Variants in TOP3B observed in about 807,000 individuals in gnomAD.
The protein encoded by TOP3B is DNA topoisomerase III beta, also known as DNA topoisomerase 3-beta-1.
TOP3B carries 45 observed loss-of-function variants against 93.9 expected under a neutral mutation model. The ratio of observed to expected loss-of-function variants is 0.48; its 90% CI spans 0.38 to 0.61. The LOEUF (loss-of-function observed/expected upper bound fraction) is 0.61. TOP3B is among the 20% of genes least tolerant of loss of function. The pLI is 0.00. For missense variants in TOP3B, 750 were observed against 1,156.1 expected (o/e 0.65, Z 5.09); for synonymous variants, 357 against 472.6 (o/e 0.76, Z 3.17).
Position 21,962,864 on chromosome 22 carries a change from T to C in TOP3B, c.1234A>G (p.Ile412Val). 6.2e-7 allele frequency: 1 copy of C among 1,613,902 alleles called. No individual in the cohort carries two copies. Among genetic ancestry groups the C allele is most frequent in the South Asian group, 1.1e-5 (1 of 91,080 alleles). ...GGDAWRLYEYITRHFIATVSH... is the reference protein window; with the variant it reads ...GGDAWRLYEYVTRHFIATVSH... ...ACCGTGGCGATGAAGTGTCTGGTGA[T>C]GTACTCATAGAGCCGCCACGCGTCA... is the stretch of plus-strand genomic sequence containing the variant. Residue 412 changes from isoleucine to valine, a missense_variant, in exon 12 of 18, where the codon ATC becomes GTC. By Grantham distance (29) the Ile-to-Val change is conservative (BLOSUM62 3). Coordinates refer to ENST00000357179, the MANE Select transcript of TOP3B (RefSeq NM_001282112.2).
chr22:21,958,875 C>G (rs1417924225), intron 16 of TOP3B, 182 bp from the exon 17 acceptor site: 2 of 1,155,584 alleles, frequency 1.7e-6, no homozygotes, highest in Non-Finnish European at 2.4e-6. Context: ...GTTCTAAAAT[C>G]TCTGTGTGTA....
At position 21,963,003 on chromosome 22, in the gene TOP3B, C is replaced by A; in HGVS notation, c.1205-110G>T. 1 of 1,330,096 alleles carries A rather than the reference C, an allele frequency of 7.5e-7. No individual in the cohort carries two copies. The highest frequency in any genetic ancestry group is 1.1e-6 in the Non-Finnish European group (1 of 951,936). 82.4% of individuals were successfully genotyped at this position (1,330,096 alleles called of 1,614,324 possible). ...AGCTCCTGCTTACAGAGCCGCTGTG[C>A]AGGACACACTGCAAATCCTGGGGAA... On this transcript the variant is annotated intron_variant, in intron 11 of 17. Coordinates refer to ENST00000357179, the MANE Select transcript of TOP3B (RefSeq NM_001282112.2). The surrounding 1 kb of genome is among the most constrained non-coding windows in gnomAD (Gnocchi z 4.8).
chr22:21,960,576 A>AGGGCTGTGCCCTGG, intron 13 of TOP3B, 127 bp from the exon 14 acceptor site: 2 of 1,345,792 alleles, frequency 1.5e-6, no homozygotes, highest in Admixed American at 2.0e-5. Flanking sequence ...CACAGGAGGG[A>AGGGCTGTGCCCTGG]GGGCTGTGCC....
At chr22:21,962,383 G>A (rs2071221216) in intron 13 of TOP3B, 46 bp downstream of exon 13, 2 of 1,610,668 alleles carry the variant, frequency 1.2e-6, no homozygotes, top group African/African-American at 1.3e-5. Context: ...CGAAGCCTGA[G>A]TACTGGAGAC....
rs1476890868 is a variant in TOP3B, at chr22:21,962,476, T to C, written c.1478A>G (p.Tyr493Cys). 8 of 1,613,586 alleles carry C rather than the reference T, an allele frequency of 5.0e-6. No individual in the cohort carries two copies. Among genetic ancestry groups the C allele is most frequent in the Non-Finnish European group, 6.8e-6 (8 of 1,180,014 alleles). The change falls in exon 13 of 18, where the codon TAC becomes TGC. Residue 493 changes from tyrosine (Y) to cysteine (C), a missense_variant. By Grantham distance (194) the Tyr-to-Cys change is radical. Around this residue, in one of 4 missense-constraint regions of TOP3B, gnomAD observed 737 missense variants for 933.7 expected, o/e 0.79. Coordinates refer to ENST00000357179, the MANE Select transcript of TOP3B (RefSeq NM_001282112.2). Reference sequence around the variant, plus strand: ...CGTGATGAGCTCGGCCTCCGTCAGGTAGTCGGGTGGGTTCGTCTGCTTCTC... The same window carrying C: ...CGTGATGAGCTCGGCCTCCGTCAGGCAGTCGGGTGGGTTCGTCTGCTTCTC... ...MLEKQTNPPD[Y>C]LTEAELITLM...
rs963017611 is a variant in TOP3B at position 21,972,233 on chromosome 22, C to T, written c.310-282G>A. Reference sequence around the variant, plus strand: ...AGAAGAAGGGTTAAAATGAAATAACCCTAAATGATAACAGCAGTCGTCTTG... The same window carrying T: ...AGAAGAAGGGTTAAAATGAAATAACTCTAAATGATAACAGCAGTCGTCTTG... On this transcript the variant is annotated intron_variant, in intron 4 of 17. Transcript: ENST00000357179. 1.7e-5 allele frequency: 8 copies of T among 483,716 alleles called. No individual in the cohort carries two copies. In the Admixed American group the frequency reaches 3.0e-4, roughly 18 times the overall value. 30.0% of individuals were successfully genotyped at this position (483,716 alleles called of 1,614,324 possible). A position where few individuals can be genotyped will look rare whatever the true frequency, so the allele number is the denominator to read the frequency against.
rs1158062866 is a variant in TOP3B at position 21,967,591 on chromosome 22, G to A, written c.852+12C>T. On this transcript the variant is annotated intron_variant, in intron 8 of 17. Transcript: ENST00000357179. ...AAGGCAACTGTGATAGATGTGGGTG[G>A]AGCAGGCACACCTGGGCTTCCTTCT... 3 of 1,611,242 alleles carry A rather than the reference G, an allele frequency of 1.9e-6. No homozygotes were observed. The highest frequency in any genetic ancestry group is 2.7e-5 in the African/African-American group (2 of 74,880).
intron 1 of TOP3B, among the ~76,000 whole-genome samples, chr22:21,977,961 C>T (rs1011847060): frequency 2.1e-4 from 32 of 151,826 alleles, no homozygotes; most frequent in African/African-American, 7.5e-4. Flanking sequence ...GGAGAAGAGT[C>T]CAGGCAGAAG....
chr22:21,970,018 T>C lies in TOP3B; in HGVS notation c.581+192A>G, dbSNP rs979034165. On this transcript the variant is annotated intron_variant, in intron 6 of 17. Coordinates refer to ENST00000357179, the MANE Select transcript of TOP3B (RefSeq NM_001282112.2). This position sits in a 1 kb window ranked among gnomAD's most constrained non-coding sequence, Gnocchi z 4.4. ...CTGCCAACCTCAAGCAATCCTCCTATCCTGGTCTCCCAAAGTGCAGGGATT... is the reference window on the plus strand; with the variant it reads ...CTGCCAACCTCAAGCAATCCTCCTACCCTGGTCTCCCAAAGTGCAGGGATT... 7.0e-5 allele frequency: 40 copies of C among 568,694 alleles called. No individual in the cohort carries two copies. The highest frequency in any genetic ancestry group is 1.1e-4 in the Non-Finnish European group (37 of 326,802). 35.2% of individuals were successfully genotyped at this position (568,694 alleles called of 1,614,324 possible). A position where few individuals can be genotyped will look rare whatever the true frequency, so the allele number is the denominator to read the frequency against.
At chr22:21,969,695 G>C (rs413815) in intron 6 of TOP3B, 27,401 of 152,370 alleles carry the variant, frequency 0.18, 2,744 homozygotes, top group African/African-American at 0.25. Context: ...AGCCAAGGTG[G>C]GCAGATTGCT....
intron 1 of TOP3B, chr22:21,977,622 C>T (rs371274832): frequency 6.6e-6 from 1 of 151,466 alleles, no homozygotes. Flanking sequence ...AGAAGAAACT[C>T]AGAACTACAA....
intron 1 of TOP3B, among the ~76,000 whole-genome samples, chr22:21,981,213 C>T (rs1360871202): frequency 2.6e-5 from 4 of 152,208 alleles, no homozygotes; most frequent in Non-Finnish European, 5.9e-5. Context: ...CACCAGGGAC[C>T]AGGCAGTCCT....
intron 7 of TOP3B, chr22:21,967,922 G>C: frequency 3.6e-6 from 2 of 552,178 alleles, no homozygotes; most frequent in Non-Finnish European, 6.5e-6. Flanking sequence ...AAACCAGGCA[G>C]CCAGTCTCAG....
Position 21,958,651 on chromosome 22 carries a change from A to G in TOP3B, c.1948T>C (p.Tyr650His). The G allele has an allele frequency of 6.2e-7, 1 of 1,613,136 alleles. No individual in the cohort carries two copies. Among genetic ancestry groups the G allele is most frequent in the Non-Finnish European group, 8.5e-7 (1 of 1,179,530 alleles). The change falls in exon 17 of 18, where the codon TAC (tyrosine) becomes CAC (histidine). Residue 650 changes from tyrosine to histidine, a missense_variant. Coordinates refer to ENST00000357179, the MANE Select transcript of TOP3B (RefSeq NM_001282112.2). ...ATGGTGCCGTTCTGGGGGAGCGTGT[A>G]GGTCTCATCGCAGTGGGAGCAGTGC... ...RLHCSHCDET[Y>H]TLPQNGTIKL... is the part of the protein sequence containing the mutation.
At position 21,964,264 on chromosome 22, in the gene TOP3B, C is replaced by T. The variant is rs1214487441; in HGVS notation, c.995G>A (p.Gly332Asp). 6.2e-7 allele frequency: 1 copy of T among 1,614,152 alleles called. No individual in the cohort carries two copies. The highest frequency in any genetic ancestry group is 1.7e-5 in the Admixed American group (1 of 60,032). ...CTCTGTCCGTGGGTAGCTGATGTAG[C>T]CTTGCGTGTAGAGCCGCTCAGCCGT... ...MQTAERLYTQ[G>D]YISYPRTETT... Residue 332 changes from glycine (G) to aspartate (D), a missense_variant, in exon 10 of 18, where the codon GGC becomes GAC. By Grantham distance (94) the Gly-to-Asp change is moderately conservative (BLOSUM62 -1). Transcript: ENST00000357179.
chr22:21,970,572 C>T lies in TOP3B; in HGVS notation c.385-166G>A, dbSNP rs116323848. On this transcript the variant is annotated intron_variant, in intron 5 of 17. Transcript: ENST00000357179. This position sits in a 1 kb window ranked among gnomAD's most constrained non-coding sequence, Gnocchi z 4.4. ...TCCCCTTTCCTGCACCTGCCAGACC[C>T]TCCTCTATCCCCCTGCCTTTCCAGA... 1,465 of 683,596 alleles carry T rather than the reference C, an allele frequency of 2.1e-3. 16 individuals carry two copies. The African/African-American group carries it at 0.024, about 11-fold the overall frequency. The allele number at this position is 683,596 out of a possible 1,614,324, so 42.3% of individuals were successfully genotyped here. A position where few individuals can be genotyped will look rare whatever the true frequency, so the allele number is the denominator to read the frequency against.
chr22:21,981,159 A>G (rs2084623224), intron 1 of TOP3B, among the ~76,000 whole-genome samples: 1 of 152,238 alleles, frequency 6.6e-6, no homozygotes. Flanking sequence ...TCTCATGTCT[A>G]TGCCACAGAG....
At chr22:21,972,805 CA>C (rs1477025776) in intron 3 of TOP3B, 87 bp from the exon 4 acceptor site, 54 of 1,087,692 alleles carry the variant, frequency 5.0e-5, no homozygotes, top group Non-Finnish European at 7.0e-5. Flanking sequence ...CCTCATCCCA[CA>C]AATGAGGAGG....
chr22:21,970,513 G>C lies in TOP3B; in HGVS notation c.385-107C>G. 2 of 1,224,306 alleles carry C rather than the reference G, an allele frequency of 1.6e-6. No individual in the cohort carries two copies. The highest frequency in any genetic ancestry group is 2.3e-6 in the Non-Finnish European group (2 of 876,704). 75.8% of individuals were successfully genotyped at this position (1,224,306 alleles called of 1,614,324 possible). On this transcript the variant is annotated intron_variant, in intron 5 of 17. Transcript: ENST00000357179. This position sits in a 1 kb window ranked among gnomAD's most constrained non-coding sequence, Gnocchi z 4.4. ...TTCCAGGAAAGAACACGTGTGCTCG[G>C]CTCCCTCTCCTGCCCCTGCCAGACC...
Sources: gnomAD v4.1 joint callset for allele counts (sites outside exome capture counted in the v4.1 genomes callset) on GRCh38, gnomAD v4.1.1 for gene constraint, gnomAD v4.1.1 regional missense constraint, Gnocchi (gnomAD v3.1) non-coding constraint, MANE v1.5 for transcripts, NCBI Gene and HGNC (gene_info 2026-07-23, HGNC 2026-07-21) for gene names.